Variants in HS1BP3 observed in about 807,000 individuals in gnomAD.
The protein encoded by HS1BP3 is HCLS1 binding protein 3, also known as HCLS1-binding protein 3.
Under a neutral mutation model 33.5 loss-of-function variants are expected in HS1BP3, and 32 were observed. The observed-to-expected ratio is 0.95, with a 90% CI of 0.72 to 1.28. HS1BP3 has a LOEUF of 1.28. HS1BP3 is among the 50% of genes most tolerant of loss of function. HS1BP3 has a pLI of 0.00. For missense variants in HS1BP3, 486 were observed against 502.3 expected (o/e 0.97, Z 0.31); for synonymous variants, 187 against 209.2 (o/e 0.89, Z 0.92).
At chr2:20,601,514 G>A (rs977972233) in intron 2 of HS1BP3, among the ~76,000 whole-genome samples, 2 of 152,168 alleles carry the variant, frequency 1.3e-5, no homozygotes. Context: ...CTGTGGGAGG[G>A]ACCCGGTGGG....
At chr2:20,601,841 T>A (rs548792716) in intron 2 of HS1BP3, among the ~76,000 whole-genome samples, 1 of 130,318 alleles carries the variant, frequency 7.7e-6, no homozygotes, top group Non-Finnish European at 1.6e-5. Flanking sequence ...TGCAGTGGCG[T>A]GATCTCGGCT....
intron 5 of HS1BP3, among the ~76,000 whole-genome samples, chr2:20,567,644 C>CGTGGGG (rs1363475560): frequency 6.6e-6 from 1 of 152,158 alleles, no homozygotes; most frequent in Non-Finnish European, 1.5e-5. Flanking sequence ...CCTGGAATGC[C>CGTGGGG]GTGGGGCCAG....
chr2:20,560,181 G>C (rs1396022261), downstream of HS1BP3, among the ~76,000 whole-genome samples: 1 of 152,206 alleles, frequency 6.6e-6, no homozygotes, highest in East Asian at 1.9e-4. Context: ...CTAAGCACAG[G>C]CTAGCAAAAG....
At chr2:20,603,850 G>A (rs925895988) in intron 2 of HS1BP3, among the ~76,000 whole-genome samples, 21 of 152,228 alleles carry the variant, frequency 1.4e-4, no homozygotes, top group Admixed American at 2.0e-4. Flanking sequence ...CCAGAGATGG[G>A]TTCTAACTCC....
chr2:20,635,114 T>C (rs1454653275), intron 4 of HS1BP3: 1 of 152,206 alleles, frequency 6.6e-6, no homozygotes, highest in Non-Finnish European at 1.5e-5. Flanking sequence ...AGAGAACCTT[T>C]TACTGGAATG....
intron 4 of HS1BP3, among the ~76,000 whole-genome samples, chr2:20,633,377 T>C (rs1695024568): frequency 6.6e-6 from 1 of 152,254 alleles, no homozygotes; most frequent in Non-Finnish European, 1.5e-5. Context: ...CTGTTTTATG[T>C]ACTGGGATTC....
chr2:20,593,685 A>G (rs1693875111), intron 3 of HS1BP3, among the ~76,000 whole-genome samples: 1 of 151,840 alleles, frequency 6.6e-6, no homozygotes. Flanking sequence ...CCTTCCTCCC[A>G]CAACCTTCCC....
intron 4 of HS1BP3, chr2:20,637,853 T>A (rs1308678547): frequency 6.4e-6 from 1 of 155,868 alleles, no homozygotes; most frequent in Non-Finnish European, 1.4e-5. Context: ...GGGGCCATGA[T>A]GGTAGCTGAT....
chr2:20,622,143 C>G, intron 6 of HS1BP3: 1 of 1,256,214 alleles, frequency 8.0e-7, no homozygotes, highest in Non-Finnish European at 1.0e-6. Context: ...GTGGCTGAGG[C>G]TAGTGACAGA....
At chr2:20,641,354 G>A (rs1042841000) in intron 2 of HS1BP3, among the ~76,000 whole-genome samples, 174 bp from the exon 3 acceptor site, 5 of 152,142 alleles carry the variant, frequency 3.3e-5, no homozygotes, top group African/African-American at 9.7e-5. Flanking sequence ...AACACGCCTG[G>A]CCGATAGCAG....
intron 5 of HS1BP3, among the ~76,000 whole-genome samples, chr2:20,566,309 C>T (rs1693126713): frequency 1.3e-5 from 2 of 152,260 alleles, no homozygotes; most frequent in South Asian, 2.1e-4. Flanking sequence ...CTTGGGCTGA[C>T]TCCTTCCCAG....
At chr2:20,581,497 G>A (rs1389605938) in intron 5 of HS1BP3, among the ~76,000 whole-genome samples, 1 of 152,064 alleles carries the variant, frequency 6.6e-6, no homozygotes, top group African/African-American at 2.4e-5. Context: ...TTACAGGCGT[G>A]CACCACCATG....
chr2:20,640,601 G>A (rs1213417126), intron 3 of HS1BP3: 1 of 484,798 alleles, frequency 2.1e-6, no homozygotes, highest in African/African-American at 1.9e-5. Context: ...AGGTCCCTAG[G>A]GCTGGTTGGA....
At chr2:20,591,008 T>G (rs999686339), downstream of HS1BP3, 5 of 167,208 alleles carry the variant, frequency 3.0e-5, no homozygotes, top group African/African-American at 1.2e-4. Context: ...GTCCCCATGC[T>G]GTGGCAGGAG....
At chr2:20,593,032 A>C (rs1165148479) in intron 3 of HS1BP3, among the ~76,000 whole-genome samples, 1 of 152,014 alleles carries the variant, frequency 6.6e-6, no homozygotes, top group Non-Finnish European at 1.5e-5. Flanking sequence ...GGCCTTATCC[A>C]TGACCTCCAA....
At chr2:20,575,741 C>T (rs1297655728) in intron 5 of HS1BP3, among the ~76,000 whole-genome samples, 1 of 114,088 alleles carries the variant, frequency 8.8e-6, no homozygotes, top group African/African-American at 3.0e-5. Context: ...GGCAGCAACG[C>T]CTCTGTCTCC....
intron 5 of HS1BP3, among the ~76,000 whole-genome samples, chr2:20,564,050 C>T (rs1001421124): frequency 6.6e-6 from 1 of 152,168 alleles, no homozygotes; most frequent in African/African-American, 2.4e-5. Flanking sequence ...AAGGAGGGCT[C>T]CTAGGATCCT....
At chr2:20,627,411 GAGGGAAGCGAGCCATCTGAGGAACA>G (rs1384243161) in intron 4 of HS1BP3, among the ~76,000 whole-genome samples, 1 of 152,254 alleles carries the variant, frequency 6.6e-6, no homozygotes, top group Non-Finnish European at 1.5e-5. Context: ...AGGGCGCAGA[GAGGGAAGCGAGCCATCTGAGGAACA>G]AGGGAAGCGA....
At chr2:20,584,200 G>A (rs1693627228) in intron 5 of HS1BP3, among the ~76,000 whole-genome samples, 1 of 152,234 alleles carries the variant, frequency 6.6e-6, no homozygotes, top group African/African-American at 2.4e-5. Flanking sequence ...TCCTGGTGCT[G>A]CTTCTAGAAA....
Sources: allele counts gnomAD v4.1 joint callset (sites outside exome capture counted in the v4.1 genomes callset), GRCh38; gene constraint gnomAD v4.1.1; transcripts MANE v1.5; gene names NCBI Gene and HGNC (gene_info 2026-07-23, HGNC 2026-07-21).